The following MYO3B variants were observed in gnomAD, a reference collection of about 807,000 sequenced individuals.
MYO3B encodes the protein myosin IIIB.
Under a neutral mutation model 174.6 loss-of-function variants are expected in MYO3B, and 156 were observed. That is an observed-to-expected ratio of 0.89 (90% CI 0.78 to 1.02). The LOEUF is 1.02. Among genes scored for constraint, MYO3B ranks in the 50% least tolerant of loss-of-function variants. The probability of loss-of-function intolerance (pLI) is 0.00; values close to 1 mark genes in which losing one functional copy is unlikely to be tolerated. For missense variants in MYO3B, 1,632 were observed against 1,639.4 expected, an observed-to-expected ratio of 1.00 and a Z score of 0.08; for synonymous variants, 563 against 569.1, an observed-to-expected ratio of 0.99 and a Z score of 0.15.
chr2:170,472,898 A>G (rs564521064), intron 25 of MYO3B, among the ~76,000 whole-genome samples: 1 of 151,344 alleles, frequency 6.6e-6, no homozygotes, highest in South Asian at 2.1e-4. Context: ...ATGAGGTCTC[A>G]CCATGTTGCC....
At chr2:170,458,707 A>C (rs894255701) in intron 23 of MYO3B, among the ~76,000 whole-genome samples, 8 of 152,218 alleles carry the variant, frequency 5.3e-5, no homozygotes, top group Non-Finnish European at 5.9e-5. Context: ...GCTCCGTGGA[A>C]GGCCTGATAC....
chr2:170,642,838 G>C (rs1698083460), intron 32 of MYO3B, among the ~76,000 whole-genome samples: 1 of 152,116 alleles, frequency 6.6e-6, no homozygotes, highest in South Asian at 2.1e-4. Context: ...TAGGCTCTGA[G>C]CATTCCTGAA....
At chr2:170,553,439 G>T (rs1195652981) in intron 32 of MYO3B, among the ~76,000 whole-genome samples, 1 of 152,192 alleles carries the variant, frequency 6.6e-6, no homozygotes, top group East Asian at 1.9e-4. Flanking sequence ...ACCCTGCTGG[G>T]TTTCAGATTT....
intron 32 of MYO3B, among the ~76,000 whole-genome samples, chr2:170,545,810 C>T (rs1420497932): frequency 6.6e-6 from 1 of 152,184 alleles, no homozygotes; most frequent in Non-Finnish European, 1.5e-5. Flanking sequence ...TAAACAGCAT[C>T]CTAAGTATTT....
At chr2:170,548,260 T>C (rs1690668635) in intron 32 of MYO3B, among the ~76,000 whole-genome samples, 1 of 151,870 alleles carries the variant, frequency 6.6e-6, no homozygotes, top group Non-Finnish European at 1.5e-5. Flanking sequence ...GAATGGACTA[T>C]ATGAAGAGTA....
At chr2:170,430,268 T>A (rs1354157770) in intron 22 of MYO3B, among the ~76,000 whole-genome samples, 1 of 151,872 alleles carries the variant, frequency 6.6e-6, no homozygotes, top group Non-Finnish European at 1.5e-5. Flanking sequence ...AAACAAAAGG[T>A]CCCCTATTTC....
chr2:170,416,876 A>G (rs1464431923), intron 22 of MYO3B, among the ~76,000 whole-genome samples: 12 of 137,090 alleles, frequency 8.8e-5, no homozygotes, highest in African/African-American at 3.4e-4. Context: ...CGGGCTGGAG[A>G]GTGCAGTGCC....
chr2:170,419,992 G>C (rs535595757), intron 22 of MYO3B, among the ~76,000 whole-genome samples: 1 of 152,252 alleles, frequency 6.6e-6, no homozygotes, highest in African/African-American at 2.4e-5. Context: ...AGACCATCCT[G>C]GCCAACATGG....
At chr2:170,558,039 T>A (rs771948448) in intron 32 of MYO3B, among the ~76,000 whole-genome samples, 5 of 152,066 alleles carry the variant, frequency 3.3e-5, no homozygotes, top group Admixed American at 6.6e-5. Flanking sequence ...CCGTGGCTCA[T>A]GCCTGTAATC....
chr2:170,188,667 A>G (rs548310091), intron 1 of MYO3B, among the ~76,000 whole-genome samples: 2 of 152,156 alleles, frequency 1.3e-5, no homozygotes, highest in Non-Finnish European at 2.9e-5. Context: ...CTTGCAAATA[A>G]TAGCTTATAA....
intron 20 of MYO3B, among the ~76,000 whole-genome samples, chr2:170,405,170 A>G (rs2094502567): frequency 6.6e-6 from 1 of 152,204 alleles, no homozygotes; most frequent in African/African-American, 2.4e-5. Flanking sequence ...CACTTTTATG[A>G]GTTGAAATTA....
At chr2:170,459,888 C>T (rs962672958) in intron 23 of MYO3B, among the ~76,000 whole-genome samples, 7 of 152,240 alleles carry the variant, frequency 4.6e-5, no homozygotes, top group African/African-American at 1.2e-4. Context: ...CCTCACTGCC[C>T]GTGGCCAGCG....
At chr2:170,198,715 C>G (rs1039797872) in intron 1 of MYO3B, among the ~76,000 whole-genome samples, 1 of 152,050 alleles carries the variant, frequency 6.6e-6, no homozygotes, top group African/African-American at 2.4e-5. Flanking sequence ...TAACATAGAG[C>G]GAGGATAAAA....
At chr2:170,421,550 C>A (rs2094615124) in intron 22 of MYO3B, among the ~76,000 whole-genome samples, 1 of 152,218 alleles carries the variant, frequency 6.6e-6, no homozygotes, top group Admixed American at 6.5e-5. Context: ...CCTGACTGGA[C>A]CGCATGTGAG....
At chr2:170,544,812 T>C (rs750337269) in intron 32 of MYO3B, among the ~76,000 whole-genome samples, 5 of 152,190 alleles carry the variant, frequency 3.3e-5, no homozygotes, top group African/African-American at 4.8e-5. Context: ...CAGAACCTTT[T>C]AAATGGACAT....
At chr2:170,262,759 A>G (rs560875560) in intron 7 of MYO3B, among the ~76,000 whole-genome samples, 3 of 152,000 alleles carry the variant, frequency 2.0e-5, no homozygotes, top group East Asian at 3.9e-4. Context: ...TCAGGTTGCT[A>G]CTCTAGCATC....
intron 22 of MYO3B, among the ~76,000 whole-genome samples, chr2:170,437,030 G>A (rs1465996850): frequency 2.0e-5 from 3 of 152,152 alleles, no homozygotes; most frequent in African/African-American, 4.8e-5. Flanking sequence ...AAGTTGTCTT[G>A]TTGAATCCCC....
intron 1 of MYO3B, among the ~76,000 whole-genome samples, chr2:170,184,959 T>G (rs1228783618): frequency 6.6e-6 from 1 of 152,178 alleles, no homozygotes; most frequent in Non-Finnish European, 1.5e-5. Context: ...CACCTTTTCA[T>G]AAACCTATTT....
chr2:170,393,343 C>CAA (rs2094426168), intron 16 of MYO3B, among the ~76,000 whole-genome samples: 3 of 151,992 alleles, frequency 2.0e-5, no homozygotes, highest in Admixed American at 6.6e-5. Flanking sequence ...CTCAGCCTCC[C>CAA]AAAGTGCTGG....
Sources: gnomAD v4.1 joint callset for allele counts (sites outside exome capture counted in the v4.1 genomes callset) on GRCh38, gnomAD v4.1.1 for gene constraint, MANE v1.5 for transcripts, NCBI Gene and HGNC (gene_info 2026-07-23, HGNC 2026-07-21) for gene names.